Variants in CYP4B1 observed in about 807,000 individuals in gnomAD.
CYP4B1 encodes cytochrome P450 4B1.
A neutral mutation model predicts 54.0 loss-of-function variants in CYP4B1; 45 were observed. The ratio of observed to expected loss-of-function variants is 0.83; its 90% confidence interval spans 0.66 to 1.07. The LOEUF is 1.07. Among genes scored for constraint, CYP4B1 ranks in the 50% least tolerant of loss-of-function variants. The pLI is 0.00. For synonymous variants in CYP4B1, 248 were observed against 247.5 expected, an observed-to-expected ratio of 1.00 and a Z score of -0.02; for missense variants, 656 against 655.4, an observed-to-expected ratio of 1.00 and a Z score of -0.01.
At chr1:46,801,914 G>A (rs575547380) in intron 1 of CYP4B1, among the ~76,000 whole-genome samples, 1 of 152,270 alleles carries the variant, frequency 6.6e-6, no homozygotes, top group East Asian at 1.9e-4. Context: ...GAAGACTGAT[G>A]GGTAAAGGGA....
chr1:46,817,927 C>T, intron 9 of CYP4B1, 38 bp from the exon 10 acceptor site: 1 of 1,604,714 alleles, frequency 6.2e-7, no homozygotes, highest in Admixed American at 1.7e-5. Flanking sequence ...CCTGGCTACC[C>T]AGGACTACCT....
Position 46,815,163 on chromosome 1 carries a change from T to C in CYP4B1, c.972T>C (p.Gly324=). 12 of 1,614,042 alleles carry C rather than the reference T, an allele frequency of 7.4e-6. No homozygotes were observed. Among genetic ancestry groups the C allele is most frequent in the Non-Finnish European group, 1.0e-5 (12 of 1,179,882 alleles). ...AAGGCCATGACACCACCACCAGTGG[T>C]ATCTCCTGGTTTCTCTACTGCATGG... The part of the protein sequence containing the change: ...MFEGHDTTTS[G]ISWFLYCMAL... Residue 324 remains glycine (G), a synonymous_variant, in exon 8 of 12, where the codon GGT becomes GGC. Coordinates refer to ENST00000371923, the MANE Select transcript of CYP4B1 (RefSeq NM_001099772.2).
chr1:46,812,807 C>T (rs1472693746), intron 4 of CYP4B1, among the ~76,000 whole-genome samples, 184 bp downstream of exon 4: 8 of 152,180 alleles, frequency 5.3e-5, no homozygotes, highest in Admixed American at 5.2e-4. Context: ...CCGCAGGCTG[C>T]CACTGAGTCG....
chr1:46,815,227 G>T lies in CYP4B1; in HGVS notation c.1036G>T (p.Val346Phe). Residue 346 changes from valine to phenylalanine, a missense_variant, in exon 8 of 12, where the codon GTC becomes TTC. By Grantham distance (50) the Val-to-Phe change is conservative (BLOSUM62 -1). Transcript: ENST00000371923. ...PEHQHRCREE[V>F]REILGDQDFF... ...GCACCAGCATCGTTGTAGAGAGGAG[G>T]TCCGCGAGATCCTAGGGGACCAGGA... 1 of 1,588,834 alleles carries T rather than the reference G, an allele frequency of 6.3e-7. No individual in the cohort carries two copies. The highest frequency in any genetic ancestry group is 1.3e-5 in the African/African-American group (1 of 74,454).
rs966309678 is a variant in CYP4B1 at position 46,817,271 on chromosome 1, G to A, written c.1207+90G>A. ...CTTTAGTCAAATCTTTGCACTTTTGGGGAAGAGCTCAGGCTTTGCGTTCAG... is the reference window on the plus strand; with the variant it reads ...CTTTAGTCAAATCTTTGCACTTTTGAGGAAGAGCTCAGGCTTTGCGTTCAG... On this transcript the variant is annotated intron_variant, in intron 9 of 11. Coordinates refer to ENST00000371923, the MANE Select transcript of CYP4B1 (RefSeq NM_001099772.2). 4 of 1,532,070 alleles carry A rather than the reference G, an allele frequency of 2.6e-6. No individual in the cohort carries two copies. In the African/African-American group the frequency reaches 5.5e-5, roughly 21 times the overall value. 94.9% of individuals were successfully genotyped at this position (1,532,070 alleles called of 1,614,324 possible).
intron 1 of CYP4B1, among the ~76,000 whole-genome samples, 197 bp downstream of exon 1, chr1:46,799,458 G>C (rs1441323519): frequency 6.6e-6 from 1 of 152,202 alleles, no homozygotes; most frequent in Non-Finnish European, 1.5e-5. Flanking sequence ...GACTTCAGAA[G>C]TGGGGGCAAC....
At chr1:46,818,541 G>C in intron 11 of CYP4B1, 90 bp from the exon 12 acceptor site, 1 of 1,336,856 alleles carries the variant, frequency 7.5e-7, no homozygotes, top group Non-Finnish European at 1.1e-6. Context: ...TCCAAAAACA[G>C]TTATTGACTT....
At position 46,814,316 on chromosome 1, in the gene CYP4B1, GTGAGT is replaced by G; in HGVS notation, c.882+2_882+6del. 1 of 1,611,930 alleles carries G rather than the reference GTGAGT, an allele frequency of 6.2e-7. No individual in the cohort carries two copies. Among genetic ancestry groups the G allele is most frequent in the Non-Finnish European group, 8.5e-7 (1 of 1,178,768 alleles). Reference sequence around the variant, plus strand: ...CCTGGACATTCTCCTGGGTGCCCGGGTGAGTACATTGTTGCCCACCCCTACCTGAG... The same window carrying G: ...CCTGGACATTCTCCTGGGTGCCCGGGACATTGTTGCCCACCCCTACCTGAG... On this transcript the variant is annotated splice_donor_variant and splice_donor_5th_base_variant and intron_variant, in intron 7 of 11. Coordinates refer to ENST00000371923, the MANE Select transcript of CYP4B1 (RefSeq NM_001099772.2). LOFTEE classifies it high-confidence loss of function.
chr1:46,816,293 C>G (rs1158264424), intron 8 of CYP4B1, among the ~76,000 whole-genome samples: 7 of 152,066 alleles, frequency 4.6e-5, no homozygotes, highest in Non-Finnish European at 1.0e-4. Flanking sequence ...CTTGAACTGA[C>G]TTTCTAAGGA....
At chr1:46,804,603 A>G (rs919295549) in intron 1 of CYP4B1, among the ~76,000 whole-genome samples, 1 of 151,918 alleles carries the variant, frequency 6.6e-6, no homozygotes, top group Admixed American at 6.6e-5. Context: ...CAGGCCCTGC[A>G]TGCTTCTCTC....
At position 46,811,147 on chromosome 1, in the gene CYP4B1, G is replaced by A. The variant is rs7513658; in HGVS notation, c.330G>A (p.Lys110=). 8,399 of 1,614,096 alleles carry A rather than the reference G, an allele frequency of 5.2e-3. 417 individuals are homozygous for A. In the African/African-American group the frequency reaches 0.1, roughly 19 times the overall value. ...AKAVYSRGDP[K]APDVYDFFLQ... The stretch of plus-strand genomic sequence containing the variant: ...GATTGTCTCCTCCTGCAGACCCTAA[G>A]GCCCCTGATGTGTATGACTTCTTCC... Residue 110 remains lysine (K), a synonymous_variant, in exon 3 of 12, where the codon AAG becomes AAA. Coordinates refer to ENST00000371923, the MANE Select transcript of CYP4B1 (RefSeq NM_001099772.2).
chr1:46,811,160 T>C lies in CYP4B1; in HGVS notation c.343T>C (p.Tyr115His). The C allele has an allele frequency of 6.2e-7, 1 of 1,614,164 alleles. No individual in the cohort carries two copies. The highest frequency in any genetic ancestry group is 8.5e-7 in the Non-Finnish European group (1 of 1,180,018). Residue 115 changes from tyrosine to histidine, a missense_variant, in exon 3 of 12, where the codon TAT (tyrosine) becomes CAT (histidine). Coordinates refer to ENST00000371923, the MANE Select transcript of CYP4B1 (RefSeq NM_001099772.2). ...TGCAGACCCTAAGGCCCCTGATGTG[T>C]ATGACTTCTTCCTCCAGTGGATTGG... ...SRGDPKAPDVYDFFLQWIGRG... is the reference protein window; with the variant it reads ...SRGDPKAPDVHDFFLQWIGRG...
intron 4 of CYP4B1, 86 bp downstream of exon 4, chr1:46,812,709 T>A: frequency 6.8e-7 from 1 of 1,479,800 alleles, no homozygotes. Flanking sequence ...GGAGAGTAGG[T>A]GGTGCTCTGC....
At chr1:46,808,085 T>C (rs1490019990) in intron 1 of CYP4B1, among the ~76,000 whole-genome samples, 2 of 151,792 alleles carry the variant, frequency 1.3e-5, no homozygotes, top group Admixed American at 1.3e-4. Flanking sequence ...CTGCTATTCA[T>C]GAGGAAGAGC....
chr1:46,812,440 C>T, intron 3 of CYP4B1, 56 bp from the exon 4 acceptor site: 1 of 1,564,328 alleles, frequency 6.4e-7, no homozygotes, highest in Non-Finnish European at 8.7e-7. Context: ...ATGTGCTTAG[C>T]CCCAGGCTGC....
chr1:46,803,372 C>T (rs1419438196), intron 1 of CYP4B1, among the ~76,000 whole-genome samples: 1 of 152,062 alleles, frequency 6.6e-6, no homozygotes. Flanking sequence ...GAGAGAGAGG[C>T]GTTGAGACCT....
Position 46,810,882 on chromosome 1 carries a change from C to T in CYP4B1, c.255C>T (p.Phe85=), listed in dbSNP as rs957526970. The change falls in exon 2 of 12, where the codon TTC becomes TTT. Residue 85 remains phenylalanine, a synonymous_variant. Coordinates refer to ENST00000371923, the MANE Select transcript of CYP4B1 (RefSeq NM_001099772.2). The part of the protein sequence containing the change: ...HQFPYAHPLW[F]GQFIGFLNIY... ...TCCCGTATGCCCACCCACTCTGGTTCGGACAGTTCATTGGCTTCCTGAACA... is the reference window on the plus strand; with the variant it reads ...TCCCGTATGCCCACCCACTCTGGTTTGGACAGTTCATTGGCTTCCTGAACA... 8.7e-6 allele frequency: 14 copies of T among 1,613,984 alleles called. No individual in the cohort carries two copies. Among genetic ancestry groups the T allele is most frequent in the East Asian group, 6.7e-5 (3 of 44,872 alleles).
chr1:46,814,545 C>T (rs58741295), intron 7 of CYP4B1, among the ~76,000 whole-genome samples: 4,158 of 152,140 alleles, frequency 0.027, 99 homozygotes, highest in South Asian at 0.071. Flanking sequence ...AGTGGCTGGA[C>T]GACATTTCTA....
chr1:46,800,187 T>C (rs6678915), intron 1 of CYP4B1, among the ~76,000 whole-genome samples: 11,952 of 48,372 alleles, frequency 0.25, 2,775 homozygotes, highest in East Asian at 0.42. Flanking sequence ...TTCTTTCTCT[T>C]TCTTTCTTTC....
Sources: gnomAD v4.1 joint callset for allele counts (sites outside exome capture counted in the v4.1 genomes callset) on GRCh38, gnomAD v4.1.1 for gene constraint, MANE v1.5 for transcripts, NCBI Gene and HGNC (gene_info 2026-07-23, HGNC 2026-07-21) for gene names.